Variants in NFIB observed in about 807,000 individuals in gnomAD.
NFIB encodes the protein nuclear factor 1 B-type.
A neutral mutation model predicts 61.5 loss-of-function variants in NFIB; 11 were observed. That is an observed-to-expected ratio of 0.18 (90% CI 0.11 to 0.30). The LOEUF is 0.30. NFIB is among the 10% of genes least tolerant of loss of function. NFIB has a pLI of 1.00. For synonymous variants in NFIB, 260 were observed against 216.5 expected (o/e 1.20, Z -1.76); for missense variants, 471 against 608.9 (o/e 0.77, Z 2.38).
chr9:14,231,135 A>AAAAATATATATATATATATATAT (rs55959148), intron 2 of NFIB, among the ~76,000 whole-genome samples: 1 of 35,344 alleles, frequency 2.8e-5, no homozygotes, highest in Non-Finnish European at 5.4e-5. Context: ...AAAAAAAAAA[A>AAAAATATATATATATATATATAT]ATATATATAT....
At chr9:14,512,629 T>C in the NFIB span, among the ~76,000 whole-genome samples, 1 of 152,154 alleles carries the variant, frequency 6.6e-6, no homozygotes, top group Non-Finnish European at 1.5e-5. Context: ...ATTATCATGC[T>C]TTTAATGTAG....
At chr9:14,100,613 G>A (rs1377148309) in intron 10 of NFIB, among the ~76,000 whole-genome samples, 1 of 151,388 alleles carries the variant, frequency 6.6e-6, no homozygotes, top group Admixed American at 6.6e-5. Flanking sequence ...AGGGGGCTGA[G>A]GCAGGCAGGA....
At position 14,155,674 on chromosome 9, in the gene NFIB, C is replaced by G. The variant is rs183328647; in HGVS notation, c.685+151G>C. The stretch of plus-strand genomic sequence containing the variant: ...AATGCAAACATTTTAGAAAATCAAG[C>G]AAAATATATTGTTATTTCATCAAAG... On this transcript the variant is annotated intron_variant, in intron 4 of 10. Coordinates refer to ENST00000380953, the MANE Select transcript of NFIB (RefSeq NM_001190737.2). 679 of 437,688 alleles carry G rather than the reference C, an allele frequency of 1.6e-3. 5 individuals are homozygous for G. The highest frequency in any genetic ancestry group is 0.013 in the African/African-American group (645 of 48,116). 27.1% of individuals were successfully genotyped at this position (437,688 alleles called of 1,614,324 possible). A position where few individuals can be genotyped will look rare whatever the true frequency, so the allele number is the denominator to read the frequency against.
At chr9:14,198,678 C>T (rs2048703011) in intron 2 of NFIB, among the ~76,000 whole-genome samples, 1 of 152,190 alleles carries the variant, frequency 6.6e-6, no homozygotes, top group African/African-American at 2.4e-5. Flanking sequence ...TACAGCAATG[C>T]TGGGGCCAAG....
chr9:14,146,603 T>G, intron 6 of NFIB, 86 bp downstream of exon 6: 3 of 1,578,474 alleles, frequency 1.9e-6, no homozygotes, highest in Non-Finnish European at 2.6e-6. Flanking sequence ...CATATTGGTT[T>G]AATTATGAAA....
At chr9:14,162,535 A>C (rs972898542) in intron 3 of NFIB, among the ~76,000 whole-genome samples, 1 of 152,082 alleles carries the variant, frequency 6.6e-6, no homozygotes, top group African/African-American at 2.4e-5. Flanking sequence ...GCTTTTATGG[A>C]AATTTTTGTA....
chr9:14,250,498 A>G (rs191667697), intron 2 of NFIB, among the ~76,000 whole-genome samples: 3 of 152,336 alleles, frequency 2.0e-5, no homozygotes, highest in Non-Finnish European at 2.9e-5. Context: ...AAGATAAATG[A>G]TACATCATTG....
At chr9:14,471,284 G>A in the NFIB span, among the ~76,000 whole-genome samples, 1 of 152,182 alleles carries the variant, frequency 6.6e-6, no homozygotes, top group Non-Finnish European at 1.5e-5. Context: ...CTGGATGAAA[G>A]GTGAATGGCT....
the NFIB span, among the ~76,000 whole-genome samples, chr9:14,524,961 T>A: frequency 2.0e-5 from 3 of 152,204 alleles, no homozygotes; most frequent in Non-Finnish European, 2.9e-5. Context: ...CTCCAGGAGG[T>A]AAACAGATAT....
the NFIB span, among the ~76,000 whole-genome samples, chr9:14,419,730 C>T: frequency 6.6e-6 from 1 of 152,070 alleles, no homozygotes; most frequent in East Asian, 1.9e-4. Context: ...TCCACAACAC[C>T]GACCCTTTGA....
At chr9:14,525,158 G>C in the NFIB span, among the ~76,000 whole-genome samples, 9,202 of 152,256 alleles carry the variant, frequency 0.06, 291 homozygotes, top group Non-Finnish European at 0.066. Context: ...TGGAGCGAGT[G>C]TCCTGGCCCA....
chr9:14,407,931 C>T, the NFIB span, among the ~76,000 whole-genome samples: 1 of 152,174 alleles, frequency 6.6e-6, no homozygotes, highest in Admixed American at 6.5e-5. Flanking sequence ...AAGTAATCCT[C>T]CCATCCTTGC....
chr9:14,494,115 T>C, the NFIB span, among the ~76,000 whole-genome samples: 1 of 152,230 alleles, frequency 6.6e-6, no homozygotes, highest in Non-Finnish European at 1.5e-5. Flanking sequence ...TGGTGGGATG[T>C]TGGAGTGGAA....
intron 1 of NFIB, among the ~76,000 whole-genome samples, chr9:14,325,324 G>T (rs1413784232): frequency 6.6e-6 from 1 of 152,126 alleles, no homozygotes; most frequent in Admixed American, 6.5e-5. Context: ...TCATTCCATA[G>T]AACTTACCAG....
chr9:14,190,370 C>T (rs1440875887), intron 2 of NFIB, among the ~76,000 whole-genome samples: 1 of 151,988 alleles, frequency 6.6e-6, no homozygotes, highest in Non-Finnish European at 1.5e-5. Flanking sequence ...TAGATTTGTA[C>T]GTGGGGTATT....
At chr9:14,397,669 T>C (rs1405176877) in intron 1 of NFIB, among the ~76,000 whole-genome samples, 1 of 152,192 alleles carries the variant, frequency 6.6e-6, no homozygotes, top group African/African-American at 2.4e-5. Flanking sequence ...CCATATTCTC[T>C]TTCAACTTAA....
chr9:14,442,203 T>G, the NFIB span, among the ~76,000 whole-genome samples: 1 of 152,086 alleles, frequency 6.6e-6, no homozygotes, highest in Admixed American at 6.6e-5. Flanking sequence ...CACCCTCTCC[T>G]ACAATGCTGG....
chr9:14,119,938 G>T (rs574613763), intron 8 of NFIB, among the ~76,000 whole-genome samples: 3 of 152,312 alleles, frequency 2.0e-5, no homozygotes, highest in East Asian at 1.9e-4. Context: ...ATTATTAAAT[G>T]TAAGTCATGT....
chr9:14,096,739 C>A (rs1044544337), intron 10 of NFIB: 1 of 152,314 alleles, frequency 6.6e-6, no homozygotes, highest in South Asian at 2.1e-4. Context: ...CACGCTTCGG[C>A]TCCCCTATCG....
Sources: allele counts gnomAD v4.1 joint callset (sites outside exome capture counted in the v4.1 genomes callset), GRCh38; gene constraint gnomAD v4.1.1; transcripts MANE v1.5; gene names NCBI Gene and HGNC (gene_info 2026-07-23, HGNC 2026-07-21).